Variants in PRKD1 observed in about 807,000 individuals in gnomAD.
PRKD1 encodes the protein protein kinase D1.
Under a neutral mutation model 95.9 loss-of-function variants are expected in PRKD1, and 63 were observed. That is an observed-to-expected ratio of 0.66 (90% CI 0.54 to 0.81). The LOEUF (loss-of-function observed/expected upper bound fraction) is 0.81, where lower values mean the gene tolerates loss of function less well. Among genes scored for constraint, PRKD1 ranks in the 30% least tolerant of loss-of-function variants. PRKD1 has a pLI of 0.00. For missense variants in PRKD1, 1,048 were observed against 1,165.3 expected (o/e 0.90, Z 1.47); for synonymous variants, 425 against 423.1 (o/e 1.00, Z -0.05).
chr14:29,671,808 G>T (rs1882858279), intron 2 of PRKD1, among the ~76,000 whole-genome samples: 1 of 152,048 alleles, frequency 6.6e-6, no homozygotes, highest in Non-Finnish European at 1.5e-5. Flanking sequence ...AAGCCCTTTT[G>T]TAAGAAGAAC....
At chr14:29,825,250 G>A (rs1446179247) in intron 1 of PRKD1, among the ~76,000 whole-genome samples, 1 of 152,044 alleles carries the variant, frequency 6.6e-6, no homozygotes, top group Non-Finnish European at 1.5e-5. Flanking sequence ...GCAAAATAAT[G>A]TATAAAAGAC....
chr14:29,612,772 A>G (rs969327296), intron 13 of PRKD1, among the ~76,000 whole-genome samples: 2 of 152,190 alleles, frequency 1.3e-5, no homozygotes, highest in African/African-American at 4.8e-5. Context: ...TTAGAGCTCC[A>G]AAACATGTCT....
intron 1 of PRKD1, among the ~76,000 whole-genome samples, chr14:29,890,438 A>T (rs530751505): frequency 5.3e-5 from 8 of 152,308 alleles, no homozygotes; most frequent in African/African-American, 1.7e-4. Flanking sequence ...TCTGGGAGGA[A>T]TAACAAACGT....
At chr14:29,744,736 T>A (rs187228555) in intron 1 of PRKD1, among the ~76,000 whole-genome samples, 2 of 152,186 alleles carry the variant, frequency 1.3e-5, no homozygotes, top group African/African-American at 4.8e-5. Flanking sequence ...TTAGTACAGA[T>A]GAGGTTTTAC....
chr14:29,692,737 T>C (rs1884307576), intron 2 of PRKD1, among the ~76,000 whole-genome samples: 1 of 152,172 alleles, frequency 6.6e-6, no homozygotes. Flanking sequence ...AGACACTTAA[T>C]TCACTCATCC....
chr14:29,808,353 G>A (rs1219399817), intron 1 of PRKD1, among the ~76,000 whole-genome samples: 2 of 127,644 alleles, frequency 1.6e-5, no homozygotes, highest in Admixed American at 8.8e-5. Flanking sequence ...GCAGCAATTC[G>A]GTCCTACTTT....
chr14:29,611,211 A>G (rs957626644), intron 13 of PRKD1, among the ~76,000 whole-genome samples: 1 of 152,110 alleles, frequency 6.6e-6, no homozygotes, highest in Non-Finnish European at 1.5e-5. Flanking sequence ...GTGGTGGGGG[A>G]TATTCATAGT....
At chr14:29,926,332 A>T (rs560314419) in intron 1 of PRKD1, among the ~76,000 whole-genome samples, 8 of 152,338 alleles carry the variant, frequency 5.3e-5, no homozygotes. Context: ...GGCTGTTTAC[A>T]CTAAGAAGAC....
chr14:29,611,228 A>G (rs1406517719), intron 13 of PRKD1, among the ~76,000 whole-genome samples: 5 of 152,206 alleles, frequency 3.3e-5, no homozygotes, highest in African/African-American at 1.2e-4. Flanking sequence ...TAGTGGGGGA[A>G]GGTACACATG....
At position 29,801,342 on chromosome 14, in the gene PRKD1, A is replaced by G. The variant is rs115498058; in HGVS notation, c.265-75668T>C. ...AAAAAACCTTCACAGCAACACACAG[A>G]TAAGTGTTTAATCAAGAACTGGCCT... On this transcript the variant is annotated intron_variant, in intron 1 of 17. Coordinates refer to ENST00000331968, the MANE Select transcript of PRKD1 (RefSeq NM_002742.3). 9.5e-3 allele frequency among the ~76,000 whole-genome samples: 1,441 copies of G among 152,338 alleles called. 28 individuals are homozygous for G. Among genetic ancestry groups the G allele is most frequent in the African/African-American group, 0.032 (1,347 of 41,590 alleles).
chr14:29,856,052 A>T (rs1450830572), intron 1 of PRKD1, among the ~76,000 whole-genome samples: 1 of 152,184 alleles, frequency 6.6e-6, no homozygotes, highest in Non-Finnish European at 1.5e-5. Context: ...CTCTTCCTTC[A>T]GTTTGGCTTC....
intron 2 of PRKD1, among the ~76,000 whole-genome samples, chr14:29,709,165 T>G (rs933708118): frequency 1.3e-5 from 2 of 152,152 alleles, no homozygotes; most frequent in Admixed American, 6.6e-5. Flanking sequence ...AAAGTTAGCT[T>G]ACTCAGTAAA....
At chr14:29,832,980 C>A (rs1453285720) in intron 1 of PRKD1, among the ~76,000 whole-genome samples, 1 of 151,924 alleles carries the variant, frequency 6.6e-6, no homozygotes, top group East Asian at 1.9e-4. Context: ...AGGTAACCTC[C>A]ATAGTAACAC....
intron 1 of PRKD1, among the ~76,000 whole-genome samples, chr14:29,879,690 G>A (rs1000955440): frequency 1.3e-5 from 2 of 152,142 alleles, no homozygotes; most frequent in African/African-American, 4.8e-5. Flanking sequence ...GGAAAATGTG[G>A]GCAAGTTTGG....
At chr14:29,784,852 A>G (rs985133355) in intron 1 of PRKD1, among the ~76,000 whole-genome samples, 4 of 152,214 alleles carry the variant, frequency 2.6e-5, no homozygotes, top group African/African-American at 9.6e-5. Flanking sequence ...AACCCAGGCC[A>G]CTATAACTCT....
chr14:29,776,028 C>T (rs946551789), intron 1 of PRKD1, among the ~76,000 whole-genome samples: 1 of 152,162 alleles, frequency 6.6e-6, no homozygotes, highest in Admixed American at 6.5e-5. Context: ...GGTACCCAGG[C>T]AAACGGGGTC....
In PRKD1 at chr14:29,927,324, C is replaced by T. The variant is rs1289058277; in HGVS notation, c.189G>A (p.Leu63=). The T allele has an allele frequency of 1.9e-6, 3 of 1,561,382 alleles. No individual in the cohort carries two copies. The highest frequency in any genetic ancestry group is 2.5e-5 in the East Asian group (1 of 40,176). The change falls in exon 1 of 18, where the codon CTG becomes CTA. Residue 63 remains leucine, a synonymous_variant. Coordinates refer to ENST00000331968, the MANE Select transcript of PRKD1 (RefSeq NM_002742.3). ...LQIGLSREPV[L]LLQDSSGDYS... Reference sequence around the variant, plus strand: ...AGTCCCCGGACGAGTCCTGCAGCAGCAGCACCGGCTCACGGCTCAGGCCGA... The same window carrying T: ...AGTCCCCGGACGAGTCCTGCAGCAGTAGCACCGGCTCACGGCTCAGGCCGA...
chr14:29,848,675 T>A (rs1892179462), intron 1 of PRKD1, among the ~76,000 whole-genome samples: 1 of 150,542 alleles, frequency 6.6e-6, no homozygotes, highest in Admixed American at 6.6e-5. Context: ...CAACAAAAAA[T>A]CACAATCCAT....
chr14:29,798,503 T>C (rs956470416), intron 1 of PRKD1, among the ~76,000 whole-genome samples: 9 of 152,154 alleles, frequency 5.9e-5, no homozygotes, highest in African/African-American at 1.7e-4. Flanking sequence ...CAAGCAGCAA[T>C]AGGCTAAAGT....
Sources: gnomAD v4.1 joint callset for allele counts (sites outside exome capture counted in the v4.1 genomes callset) on GRCh38, gnomAD v4.1.1 for gene constraint, MANE v1.5 for transcripts, NCBI Gene and HGNC (gene_info 2026-07-23, HGNC 2026-07-21) for gene names.